PTCH1: variants seen among roughly 807,000 people sequenced by gnomAD.
PTCH1 encodes the protein patched 1, also known as protein patched homolog 1.
PTCH1 carries 14 observed loss-of-function variants against 144.6 expected under a neutral mutation model. The ratio of observed to expected loss-of-function variants is 0.10; its 90% CI spans 0.06 to 0.15. The LOEUF (loss-of-function observed/expected upper bound fraction) is 0.15, where lower values mean the gene tolerates loss of function less well. PTCH1 is among the 10% of genes least tolerant of loss of function. The pLI is 1.00. For synonymous variants in PTCH1, 833 were observed against 793.6 expected (o/e 1.05, Z -0.83); for missense variants, 1,623 against 1,948.3 (o/e 0.83, Z 3.14).
intron 12 of PTCH1, among the ~76,000 whole-genome samples, chr9:95,475,718 G>C (rs1347943585): frequency 6.6e-6 from 1 of 152,104 alleles, no homozygotes; most frequent in East Asian, 1.9e-4. Context: ...TGCAGCGCTG[G>C]TGACCCCAGA....
intron 2 of PTCH1, among the ~76,000 whole-genome samples, chr9:95,504,461 T>C (rs1843396468): frequency 6.6e-6 from 1 of 152,234 alleles, no homozygotes; most frequent in South Asian, 2.1e-4. Context: ...CTGAAAACTC[T>C]TGCTAAGAAC....
chr9:95,498,353 G>A (rs1315162333), intron 2 of PTCH1, among the ~76,000 whole-genome samples: 5 of 152,132 alleles, frequency 3.3e-5, no homozygotes. Context: ...TAGAAATAAG[G>A]TCCTGCCCCC....
chr9:95,494,314 G>A (rs1159413372), intron 2 of PTCH1: 1 of 985,374 alleles, frequency 1.0e-6, no homozygotes, highest in Non-Finnish European at 1.2e-6. Flanking sequence ...GCCCACGCTG[G>A]ACCTGCTGCC....
At chr9:95,514,646 G>A (rs112226237) in intron 1 of PTCH1, 2 of 138,832 alleles carry the variant, frequency 1.4e-5, no homozygotes, top group African/African-American at 5.5e-5. Context: ...GTGTGTGTGT[G>A]TGAGAGAGAG....
exon 1 of PTCH1, chr9:95,516,502 G>A (rs1330352558): frequency 1.3e-6 from 2 of 1,536,526 alleles, no homozygotes; most frequent in Non-Finnish European, 1.7e-6. Context: ...TCGGAGCGCG[G>A]GTGCCGATGG....
At chr9:95,454,404 C>T (rs1007725575) in intron 19 of PTCH1, among the ~76,000 whole-genome samples, 3 of 152,208 alleles carry the variant, frequency 2.0e-5, no homozygotes, top group East Asian at 1.9e-4. Context: ...TGGCAGGATG[C>T]GTTTCTATCC....
chr9:95,505,153 C>G (rs1250835413), intron 2 of PTCH1, among the ~76,000 whole-genome samples: 1 of 152,234 alleles, frequency 6.6e-6, no homozygotes, highest in Non-Finnish European at 1.5e-5. Flanking sequence ...TTGCAAAACT[C>G]TGCAAGCTGA....
At chr9:95,500,071 C>A (rs762587623) in intron 2 of PTCH1, among the ~76,000 whole-genome samples, 38 of 152,314 alleles carry the variant, frequency 2.5e-4, no homozygotes, top group Non-Finnish European at 5.1e-4. Context: ...CCAGACAAAT[C>A]TCCCATGGCT....
chr9:95,469,860 T>C lies in PTCH1; in HGVS notation c.1800A>G (p.Leu600=), dbSNP rs768939676. Residue 600 remains leucine (L), a synonymous_variant, in exon 13 of 24, where the codon TTA becomes TTG. Transcript: ENST00000331920. ...LIFPAILSMD[L]YRREDRRLDI... The stretch of plus-strand genomic sequence containing the variant: ...CCAGTCTCCTGTCCTCGCGTCGATA[T>C]AAATCCATGCTGAGAATTGCAGGAA... 1.8e-5 allele frequency: 29 copies of C among 1,614,052 alleles called. No individual in the cohort carries two copies. In the African/African-American group the frequency reaches 2.4e-4, roughly 13 times the overall value.
At chr9:95,451,376 TA>T (rs1192225687) in intron 20 of PTCH1, 1 of 152,246 alleles carries the variant, frequency 6.6e-6, no homozygotes, top group East Asian at 1.9e-4. Flanking sequence ...TTTATCAGGT[TA>T]ATCCATCCCA....
intron 20 of PTCH1, 137 bp from the exon 21 acceptor site, chr9:95,450,077 C>T (rs1164560492): frequency 2.5e-6 from 2 of 786,936 alleles, no homozygotes; most frequent in Non-Finnish European, 4.4e-6. Context: ...TATCCAACCG[C>T]AGTTCACATT....
Position 95,446,347 on chromosome 9 carries a change from G to C in PTCH1, c.*46C>G, listed in dbSNP as rs769236283. 1 of 517,736 alleles carries C rather than the reference G, an allele frequency of 1.9e-6. No homozygotes were observed. Among genetic ancestry groups the C allele is most frequent in the South Asian group, 1.4e-5 (1 of 71,164 alleles). The allele number at this position is 517,736 out of a possible 1,614,324, so 32.1% of individuals were successfully genotyped here. ...GCAGTTCTGGAAAGAGGTGGGGGTG[G>C]GGGGTTTCCAATCTTTGGCCTCTTT... On this transcript the variant is annotated 3_prime_UTR_variant, in exon 24 of 24. Coordinates refer to ENST00000331920, the MANE Select transcript of PTCH1 (RefSeq NM_000264.5).
At chr9:95,494,382 T>C in intron 2 of PTCH1, 2 of 985,566 alleles carry the variant, frequency 2.0e-6, no homozygotes, top group Non-Finnish European at 2.4e-6. Context: ...ACGCTGCATC[T>C]GCCAGGAGGC....
At chr9:95,491,681 G>A (rs1011191009) in intron 2 of PTCH1, among the ~76,000 whole-genome samples, 1 of 152,148 alleles carries the variant, frequency 6.6e-6, no homozygotes, top group Admixed American at 6.5e-5. Flanking sequence ...CTGAGAACAT[G>A]AGTACAGCAG....
chr9:95,491,017 TAATA>T (rs1842368150), intron 2 of PTCH1, among the ~76,000 whole-genome samples: 1 of 152,206 alleles, frequency 6.6e-6, no homozygotes, highest in Non-Finnish European at 1.5e-5. Flanking sequence ...TCAATAATAC[TAATA>T]AACTATAAAA....
chr9:95,475,973 G>A (rs1840994637), intron 12 of PTCH1, 61 bp downstream of exon 12: 1 of 1,609,766 alleles, frequency 6.2e-7, no homozygotes. Flanking sequence ...CCGCAGACAT[G>A]GGATGCTGGA....
At chr9:95,494,236 T>A in intron 2 of PTCH1, 1 of 985,556 alleles carries the variant, frequency 1.0e-6, no homozygotes, top group Non-Finnish European at 1.2e-6. Context: ...GGCTGCTCCC[T>A]CTGAATGGCT....
In PTCH1 at chr9:95,481,775, A is replaced by C. The variant is rs921787351; in HGVS notation, c.746+174T>G. 6 of 658,148 alleles carry C rather than the reference A, an allele frequency of 9.1e-6. No homozygotes were observed. In the African/African-American group the frequency reaches 9.1e-5, roughly 10 times the overall value. The allele number at this position is 658,148 out of a possible 1,614,324, so 40.8% of individuals were successfully genotyped here. On this transcript the variant is annotated intron_variant, in intron 5 of 23. Coordinates refer to ENST00000331920, the MANE Select transcript of PTCH1 (RefSeq NM_000264.5). The stretch of plus-strand genomic sequence containing the variant: ...AGAATTGTTTTTTGAAAAGAGAAAA[A>C]ACATTCTGCTGAAATCCCCTCTCCC...
At chr9:95,509,615 G>C (rs529236511), upstream of PTCH1, among the ~76,000 whole-genome samples, 3 of 152,302 alleles carry the variant, frequency 2.0e-5, no homozygotes, top group South Asian at 6.2e-4. Flanking sequence ...GCGCGCGCAC[G>C]CACACACACG....
Sources: gnomAD v4.1 joint callset for allele counts (sites outside exome capture counted in the v4.1 genomes callset) on GRCh38, gnomAD v4.1.1 for gene constraint, MANE v1.5 for transcripts, NCBI Gene and HGNC (gene_info 2026-07-23, HGNC 2026-07-21) for gene names.